SEPTIN14: variants seen among roughly 807,000 people sequenced by gnomAD.
SEPTIN14 encodes the protein septin 14.
Under a neutral mutation model 53.6 loss-of-function variants are expected in SEPTIN14, and 40 were observed. That is an observed-to-expected ratio of 0.75 (90% CI 0.58 to 0.97). The LOEUF is 0.97. Ranked by LOEUF, SEPTIN14 falls within the 50% of genes least tolerant of loss-of-function variation. SEPTIN14 has a pLI of 0.00. For missense variants in SEPTIN14, 471 were observed against 508.2 expected (o/e 0.93, Z 0.70); for synonymous variants, 138 against 166.8 (o/e 0.83, Z 1.33).
intron 6 of SEPTIN14, among the ~76,000 whole-genome samples, chr7:55,831,913 C>A (rs575302099): frequency 1.3e-5 from 2 of 152,190 alleles, no homozygotes; most frequent in South Asian, 2.1e-4. Flanking sequence ...ATTAAAACCA[C>A]AATAAAGGCA....
chr7:55,804,160 G>T (rs1284747801), intron 9 of SEPTIN14, among the ~76,000 whole-genome samples: 18 of 112,042 alleles, frequency 1.6e-4, no homozygotes, highest in Non-Finnish European at 8.7e-5. Context: ...AAAAAAAAAA[G>T]TCTTCATGAG....
At chr7:55,855,440 C>T (rs543200561) in intron 2 of SEPTIN14, among the ~76,000 whole-genome samples, 64 of 152,272 alleles carry the variant, frequency 4.2e-4, no homozygotes, top group African/African-American at 1.2e-3. Flanking sequence ...GCAAGAAAGA[C>T]GCAGACATCA....
At chr7:55,809,731 A>G (rs894793966) in intron 7 of SEPTIN14, among the ~76,000 whole-genome samples, 5 of 151,056 alleles carry the variant, frequency 3.3e-5, no homozygotes, top group Non-Finnish European at 5.9e-5. Context: ...TATCTATATA[A>G]CAAATTTGCA....
chr7:55,838,674 C>A (rs1789251952), intron 5 of SEPTIN14, among the ~76,000 whole-genome samples: 1 of 151,804 alleles, frequency 6.6e-6, no homozygotes, highest in Admixed American at 6.6e-5. Flanking sequence ...AACTCCTGGG[C>A]TCAAGCAATC....
intron 7 of SEPTIN14, among the ~76,000 whole-genome samples, chr7:55,818,491 A>G (rs1312571303): frequency 6.6e-6 from 1 of 151,728 alleles, no homozygotes; most frequent in Admixed American, 6.6e-5. Flanking sequence ...AAAAAAAAAA[A>G]AAATCATTTG....
chr7:55,854,436 C>CT lies in SEPTIN14; in HGVS notation c.54+7506dup, dbSNP rs34890871. Among the ~76,000 whole-genome samples the CT allele has an allele frequency of 3.3e-3, 490 of 147,658 alleles. 4 individuals are homozygous for CT. Among genetic ancestry groups the CT allele is most frequent in the Middle Eastern group, 0.014 (4 of 286 alleles). ...CATTTTATACATTGTACTGGAGGTT[C>CT]TTTTTTTTTTTGAGACGGAGTCTCG... On this transcript the variant is annotated intron_variant, in intron 2 of 9. Transcript: ENST00000388975.
At chr7:55,818,843 T>C (rs1238768018) in intron 7 of SEPTIN14, among the ~76,000 whole-genome samples, 1 of 152,216 alleles carries the variant, frequency 6.6e-6, no homozygotes, top group Non-Finnish European at 1.5e-5. Context: ...AGATAATATG[T>C]ACATGGCACA....
At chr7:55,815,665 T>TAAA (rs987761316) in intron 7 of SEPTIN14, among the ~76,000 whole-genome samples, 36 of 152,124 alleles carry the variant, frequency 2.4e-4, no homozygotes, top group Non-Finnish European at 8.8e-5. Context: ...TCACCCCAGT[T>TAAA]AAAAAAGCTT....
chr7:55,830,939 G>A (rs1789099358), intron 6 of SEPTIN14, among the ~76,000 whole-genome samples: 1 of 151,808 alleles, frequency 6.6e-6, no homozygotes, highest in Non-Finnish European at 1.5e-5. Context: ...AAAAATTTAT[G>A]GAATTTTTGG....
chr7:55,820,277 G>A (rs572926751), intron 6 of SEPTIN14, among the ~76,000 whole-genome samples: 12 of 152,174 alleles, frequency 7.9e-5, no homozygotes, highest in East Asian at 1.9e-4. Context: ...CTGAGATTAC[G>A]GGCGTGAGCC....
intron 2 of SEPTIN14, among the ~76,000 whole-genome samples, chr7:55,852,177 A>C (rs1418170007): frequency 6.6e-6 from 1 of 151,892 alleles, no homozygotes; most frequent in Non-Finnish European, 1.5e-5. Context: ...AAAAAGAAAT[A>C]GAAAAAATAA....
intron 5 of SEPTIN14, among the ~76,000 whole-genome samples, chr7:55,836,575 C>T (rs912973650): frequency 2.0e-5 from 3 of 152,082 alleles, no homozygotes; most frequent in Non-Finnish European, 2.9e-5. Flanking sequence ...CCCGTCTCTA[C>T]TAAAAATGCA....
intron 2 of SEPTIN14, among the ~76,000 whole-genome samples, chr7:55,853,199 A>G (rs1789549992): frequency 1.3e-5 from 2 of 150,434 alleles, no homozygotes; most frequent in South Asian, 4.2e-4. Flanking sequence ...AAAGAAAGAA[A>G]TTAGTACATT....
At chr7:55,835,624 C>T (rs555981557) in intron 5 of SEPTIN14, among the ~76,000 whole-genome samples, 10 of 152,164 alleles carry the variant, frequency 6.6e-5, no homozygotes, top group Non-Finnish European at 1.3e-4. Context: ...CTTTTTCCAT[C>T]AATCAATCTT....
chr7:55,844,636 G>A lies in SEPTIN14; in HGVS notation c.258C>T (p.Tyr86=). Residue 86 remains tyrosine, a synonymous_variant, in exon 4 of 10, where the codon TAC becomes TAT. Transcript: ENST00000388975. The part of the protein sequence containing the change: ...NLKDNKSSHF[Y]SNVGLQIQTY... Reference sequence around the variant, plus strand: ...TCTGAATTTGAAGTCCAACATTTGAGTAAAAATGTGAGGATTTGTTATCTT... The same window carrying A: ...TCTGAATTTGAAGTCCAACATTTGAATAAAAATGTGAGGATTTGTTATCTT... The A allele has an allele frequency of 6.2e-7, 1 of 1,607,076 alleles. No homozygotes were observed. Among genetic ancestry groups the A allele is most frequent in the Non-Finnish European group, 8.5e-7 (1 of 1,174,038 alleles).
rs761901611 is a variant in SEPTIN14, at chr7:55,807,241, A to G, written c.835T>C (p.Cys279Arg). Residue 279 changes from cysteine to arginine, a missense_variant, in exon 8 of 10, where the codon TGT (cysteine) becomes CGT (arginine). By Grantham distance (180) the Cys-to-Arg change is radical. Coordinates refer to ENST00000388975, the MANE Select transcript of SEPTIN14 (RefSeq NM_207366.3). ...GVLQVENENH[C>R]DFVKLRDMLL... ...ATATCTCGGAGCTTAACGAAGTCAC[A>G]GTGATTTTCATTTTCCACTAGTAAA... 10 of 1,579,490 alleles carry G rather than the reference A, an allele frequency of 6.3e-6. No homozygotes were observed. In the East Asian group the frequency reaches 2.0e-4, roughly 32 times the overall value.
At chr7:55,859,603 C>G (rs2116088023) in intron 2 of SEPTIN14, among the ~76,000 whole-genome samples, 1 of 152,114 alleles carries the variant, frequency 6.6e-6, no homozygotes, top group Non-Finnish European at 1.5e-5. Context: ...CTATTATGAT[C>G]CTAGTCACTC....
At chr7:55,844,480 GAAATAAGA>G (rs753809539) in intron 4 of SEPTIN14, 35 bp downstream of exon 4, 1 of 1,180,098 alleles carries the variant, frequency 8.5e-7, no homozygotes, top group Admixed American at 2.4e-5. Context: ...CAAATTCCTT[GAAATAAGA>G]AAACCTTTTT....
intron 6 of SEPTIN14, among the ~76,000 whole-genome samples, chr7:55,829,100 C>T (rs1022825331): frequency 2.4e-4 from 36 of 150,842 alleles, no homozygotes; most frequent in Admixed American, 1.1e-3. Flanking sequence ...GGTGCTAGGC[C>T]GGGCACGGTG....
Sources: gnomAD v4.1 joint callset for allele counts (sites outside exome capture counted in the v4.1 genomes callset) on GRCh38, gnomAD v4.1.1 for gene constraint, MANE v1.5 for transcripts, NCBI Gene and HGNC (gene_info 2026-07-23, HGNC 2026-07-21) for gene names.